RABL3: variants seen among roughly 807,000 people sequenced by gnomAD.
RABL3 encodes the protein RAB, member of RAS oncogene family like 3, also known as rab-like protein 3.
A neutral mutation model predicts 31.8 loss-of-function variants in RABL3; 31 were observed. The ratio of observed to expected loss-of-function variants is 0.97; its 90% CI spans 0.73 to 1.31. The LOEUF is 1.31. Among genes scored for constraint, RABL3 ranks in the 40% most tolerant of loss-of-function variants. The pLI is 0.00. For synonymous variants in RABL3, 97 were observed against 99.9 expected (o/e 0.97, Z 0.18); for missense variants, 263 against 279.6 (o/e 0.94, Z 0.42).
intron 2 of RABL3, among the ~76,000 whole-genome samples, chr3:120,725,477 G>A: frequency 6.6e-6 from 1 of 152,142 alleles, no homozygotes; most frequent in Non-Finnish European, 1.5e-5. Flanking sequence ...AAATCATGCT[G>A]CTATAAAGAC....
At chr3:120,735,271 G>A (rs1708943058) in intron 1 of RABL3, among the ~76,000 whole-genome samples, 1 of 152,114 alleles carries the variant, frequency 6.6e-6, no homozygotes, top group African/African-American at 2.4e-5. Flanking sequence ...GTTTAGTCTT[G>A]GGAGGGTGTA....
At chr3:120,736,327 T>C (rs1708962933) in intron 1 of RABL3, among the ~76,000 whole-genome samples, 1 of 152,234 alleles carries the variant, frequency 6.6e-6, no homozygotes, top group Non-Finnish European at 1.5e-5. Flanking sequence ...TTGATCTTTG[T>C]TGTTTAAAGT....
At chr3:120,729,973 A>C (rs1410945904) in intron 2 of RABL3, among the ~76,000 whole-genome samples, 1 of 152,214 alleles carries the variant, frequency 6.6e-6, no homozygotes, top group African/African-American at 2.4e-5. Flanking sequence ...ATTAAAAAAA[A>C]ACACAAAAAA....
At position 120,728,576 on chromosome 3, in the gene RABL3, T is replaced by C. The variant is rs112713323; in HGVS notation, c.138+2120A>G. ...GATGGTTGGCTAAAATGACACAAAA[T>C]AGCATTAGGAGATATACCTAATGCT... On this transcript the variant is annotated intron_variant, in intron 2 of 7. Coordinates refer to ENST00000273375, the MANE Select transcript of RABL3 (RefSeq NM_173825.5). Among the ~76,000 whole-genome samples, 858 of 152,130 alleles carry C rather than the reference T, an allele frequency of 5.6e-3. 11 individuals are homozygous for C. The highest frequency in any genetic ancestry group is 0.02 in the African/African-American group (824 of 41,494).
chr3:120,692,617 C>T (rs1303574989), intron 6 of RABL3, among the ~76,000 whole-genome samples: 2 of 152,148 alleles, frequency 1.3e-5, no homozygotes, highest in Admixed American at 1.3e-4. Context: ...TGGCCAACCT[C>T]CTAACCCACA....
intron 2 of RABL3, among the ~76,000 whole-genome samples, chr3:120,712,016 G>A (rs1576337822): frequency 1.3e-5 from 2 of 152,024 alleles, no homozygotes; most frequent in East Asian, 1.9e-4. Flanking sequence ...GTATCTACTG[G>A]CTTTGACATA....
Sources: allele counts gnomAD v4.1 joint callset (sites outside exome capture counted in the v4.1 genomes callset), GRCh38; gene constraint gnomAD v4.1.1; transcripts MANE v1.5; gene names NCBI Gene and HGNC (gene_info 2026-07-23, HGNC 2026-07-21).